Variants in FAM3C observed in about 807,000 individuals in gnomAD.
FAM3C encodes the protein FAM3 metabolism regulating signaling molecule C.
A neutral mutation model predicts 32.5 loss-of-function variants in FAM3C; 15 were observed. That is an observed-to-expected ratio of 0.46 (90% CI 0.31 to 0.71). The LOEUF (loss-of-function observed/expected upper bound fraction) is 0.71, where lower values mean the gene tolerates loss of function less well. FAM3C is among the 30% of genes least tolerant of loss of function. FAM3C has a pLI of 0.05. For synonymous variants in FAM3C, 75 were observed against 86.1 expected (o/e 0.87, Z 0.72); for missense variants, 175 against 274.4 (o/e 0.64, Z 2.56).
intron 5 of FAM3C, among the ~76,000 whole-genome samples, chr7:121,370,546 C>G (rs1794125576): frequency 6.6e-6 from 1 of 152,140 alleles, no homozygotes; most frequent in African/African-American, 2.4e-5. Flanking sequence ...ATATTAAAAG[C>G]AACCAACTAA....
chr7:121,367,911 A>C (rs1650173331), intron 5 of FAM3C, among the ~76,000 whole-genome samples: 1 of 151,966 alleles, frequency 6.6e-6, no homozygotes, highest in Non-Finnish European at 1.5e-5. Flanking sequence ...AGTTGCAGTG[A>C]CCTAAAATTG....
At chr7:121,375,658 T>C (rs1794226360) in intron 3 of FAM3C, among the ~76,000 whole-genome samples, 1 of 152,178 alleles carries the variant, frequency 6.6e-6, no homozygotes, top group African/African-American at 2.4e-5. Flanking sequence ...CAGACATGAC[T>C]GGTATCACTG....
intron 8 of FAM3C, among the ~76,000 whole-genome samples, chr7:121,357,635 C>T (rs1157271315): frequency 1.3e-5 from 2 of 152,082 alleles, no homozygotes; most frequent in Non-Finnish European, 2.9e-5. Context: ...AATTCGTGTG[C>T]CCCAAACTAA....
intron 1 of FAM3C, among the ~76,000 whole-genome samples, chr7:121,388,919 A>G (rs1027123312): frequency 2.0e-5 from 3 of 152,134 alleles, no homozygotes; most frequent in Admixed American, 2.0e-4. Flanking sequence ...ATCCACCATA[A>G]ACTGCTCTAC....
chr7:121,375,393 A>C (rs1794219908), intron 3 of FAM3C, among the ~76,000 whole-genome samples: 1 of 152,128 alleles, frequency 6.6e-6, no homozygotes, highest in African/African-American at 2.4e-5. Flanking sequence ...TGCAGGAAGG[A>C]GGGGTGAAGA....
intron 7 of FAM3C, 62 bp from the exon 8 acceptor site, chr7:121,360,189 C>G (rs1793891698): frequency 3.6e-6 from 3 of 835,648 alleles, no homozygotes; most frequent in Non-Finnish European, 6.2e-6. Context: ...ACGATAATCT[C>G]TGAAAGTAGT....
intron 1 of FAM3C, among the ~76,000 whole-genome samples, chr7:121,383,234 A>T (rs1162940647): frequency 6.6e-6 from 1 of 152,146 alleles, no homozygotes; most frequent in East Asian, 1.9e-4. Context: ...TAACTGAATG[A>T]CCAAAGAGTA....
intron 4 of FAM3C, among the ~76,000 whole-genome samples, chr7:121,371,797 C>T (rs1307951709): frequency 6.6e-6 from 1 of 152,058 alleles, no homozygotes; most frequent in Non-Finnish European, 1.5e-5. Flanking sequence ...CATATATGCA[C>T]AAAAAATCGT....
At chr7:121,357,391 T>C (rs550709076) in intron 8 of FAM3C, among the ~76,000 whole-genome samples, 9 of 152,256 alleles carry the variant, frequency 5.9e-5, no homozygotes, top group Admixed American at 5.9e-4. Context: ...GGAAAAGCCA[T>C]AATACATCAG....
At chr7:121,359,179 C>A (rs1243898104) in intron 8 of FAM3C, among the ~76,000 whole-genome samples, 1 of 151,828 alleles carries the variant, frequency 6.6e-6, no homozygotes, top group East Asian at 1.9e-4. Context: ...TTTAATTAAT[C>A]ATTTCCACTT....
intron 5 of FAM3C, among the ~76,000 whole-genome samples, chr7:121,369,932 C>A (rs1233321280): frequency 5.7e-5 from 8 of 139,824 alleles, no homozygotes; most frequent in African/African-American, 2.4e-4. Flanking sequence ...AATAAAAAAC[C>A]TGCTAGTAAA....
At chr7:121,359,080 A>T (rs1793872177) in intron 8 of FAM3C, among the ~76,000 whole-genome samples, 1 of 152,008 alleles carries the variant, frequency 6.6e-6, no homozygotes, top group South Asian at 2.1e-4. Context: ...AACTTAAAAA[A>T]ATTAACAATT....
chr7:121,380,321 A>C (rs1794323816), intron 2 of FAM3C: 1 of 152,196 alleles, frequency 6.6e-6, no homozygotes, highest in African/African-American at 2.4e-5. Context: ...TAAAATATCA[A>C]GACGATAACA....
intron 1 of FAM3C, 90 bp from the exon 2 acceptor site, chr7:121,383,100 T>A (rs1584706357): frequency 4.7e-6 from 3 of 641,186 alleles, no homozygotes; most frequent in Middle Eastern, 3.3e-4. Flanking sequence ...TATAAACTAG[T>A]AAATTTTATG....
At chr7:121,383,351 GATGATGTCCAAAGAGGTTA>G (rs1794399229) in intron 1 of FAM3C, among the ~76,000 whole-genome samples, 3 of 152,138 alleles carry the variant, frequency 2.0e-5, no homozygotes, top group Admixed American at 2.0e-4. Context: ...TCAGTTTGCA[GATGATGTCCAAAGAGGTTA>G]AGCTGCTTAT....
chr7:121,350,816 TA>T (rs1793688706), intron 9 of FAM3C, among the ~76,000 whole-genome samples: 1 of 152,220 alleles, frequency 6.6e-6, no homozygotes, highest in African/African-American at 2.4e-5. Context: ...TACTAAGTTC[TA>T]AAATATTTCC....
chr7:121,372,154 T>C lies in FAM3C; in HGVS notation c.119-15A>G. 1.3e-6 allele frequency: 2 copies of C among 1,570,422 alleles called. No individual in the cohort carries two copies. The highest frequency in any genetic ancestry group is 1.4e-5 in the African/African-American group (1 of 73,798). On this transcript the variant is annotated splice_polypyrimidine_tract_variant and intron_variant, in intron 3 of 9. Transcript: ENST00000359943. ...TGCTGATCTTGCTGAAAAAAAAAAA[T>C]TACTTTTGTTAGAAGGAATGAGTCT...
intron 6 of FAM3C, among the ~76,000 whole-genome samples, chr7:121,363,629 C>T (rs1225305684): frequency 6.6e-6 from 1 of 152,090 alleles, no homozygotes; most frequent in Non-Finnish European, 1.5e-5. Context: ...AGTTAGGCCT[C>T]ACTTTATGGT....
chr7:121,393,085 T>A (rs1584712981), intron 1 of FAM3C, among the ~76,000 whole-genome samples: 1 of 151,936 alleles, frequency 6.6e-6, no homozygotes, highest in African/African-American at 2.4e-5. Context: ...GAATATGGGG[T>A]TTCCTTTTGG....
Sources: gnomAD v4.1 joint callset for allele counts (sites outside exome capture counted in the v4.1 genomes callset) on GRCh38, gnomAD v4.1.1 for gene constraint, MANE v1.5 for transcripts, NCBI Gene and HGNC (gene_info 2026-07-23, HGNC 2026-07-21) for gene names.